ZFAND6: variants seen among roughly 807,000 people sequenced by gnomAD.
The protein encoded by ZFAND6 is zinc finger AN1-type containing 6.
Under a neutral mutation model 24.5 loss-of-function variants are expected in ZFAND6, and 12 were observed. The observed-to-expected ratio is 0.49, with a 90% CI of 0.31 to 0.79. ZFAND6 has a LOEUF of 0.79. Among genes scored for constraint, ZFAND6 ranks in the 30% least tolerant of loss-of-function variants. The pLI, the probability that ZFAND6 is intolerant of heterozygous loss-of-function variation, is 0.04. For synonymous variants in ZFAND6, 92 were observed against 81.5 expected, an observed-to-expected ratio of 1.13 and a Z score of -0.69; for missense variants, 207 against 245.9, an observed-to-expected ratio of 0.84 and a Z score of 1.06.
intron 1 of ZFAND6, among the ~76,000 whole-genome samples, chr15:80,083,406 T>C (rs989795232): frequency 6.6e-6 from 1 of 152,198 alleles, no homozygotes. Context: ...TAAGAACTTA[T>C]GATATGTTGG....
chr15:80,128,054 A>AAT (rs2040446326), intron 5 of ZFAND6, among the ~76,000 whole-genome samples: 1 of 152,252 alleles, frequency 6.6e-6, no homozygotes, highest in African/African-American at 2.4e-5. Context: ...GATCCTTGAA[A>AAT]ATATGCTGAA....
chr15:80,078,858 CTTCTT>C (rs1445564733), intron 1 of ZFAND6, among the ~76,000 whole-genome samples: 2 of 147,990 alleles, frequency 1.4e-5, no homozygotes, highest in African/African-American at 5.0e-5. Flanking sequence ...GTATTTATGT[CTTCTT>C]TTTTTTTTCA....
intron 2 of ZFAND6, among the ~76,000 whole-genome samples, chr15:80,105,742 A>G (rs916768715): frequency 1.3e-5 from 2 of 152,198 alleles, no homozygotes; most frequent in South Asian, 2.1e-4. Flanking sequence ...TTGTCCCTGT[A>G]TATATAACAG....
chr15:80,085,284 T>C (rs78955168), intron 1 of ZFAND6, among the ~76,000 whole-genome samples: 5 of 152,234 alleles, frequency 3.3e-5, no homozygotes, highest in African/African-American at 1.2e-4. Context: ...CAAGTGACTT[T>C]CCACTACTGT....
intron 5 of ZFAND6, among the ~76,000 whole-genome samples, chr15:80,128,328 C>T (rs2040458305): frequency 6.6e-6 from 1 of 152,122 alleles, no homozygotes; most frequent in Admixed American, 6.5e-5. Flanking sequence ...TATGTGAAAT[C>T]TCCCCACCAC....
intron 1 of ZFAND6, among the ~76,000 whole-genome samples, chr15:80,096,533 A>G (rs2038732380): frequency 6.6e-6 from 1 of 152,252 alleles, no homozygotes. Flanking sequence ...GTTACTTTGA[A>G]TAAACCCTAA....
chr15:80,060,591 CTAAAGA>C (rs1482772414), intron 1 of ZFAND6: 1 of 152,024 alleles, frequency 6.6e-6, no homozygotes, highest in Admixed American at 6.6e-5. Flanking sequence ...TTGGGGTTAC[CTAAAGA>C]TAATTTATAT....
intron 2 of ZFAND6, among the ~76,000 whole-genome samples, chr15:80,099,188 C>A (rs939910716): frequency 2.6e-5 from 4 of 152,006 alleles, no homozygotes; most frequent in African/African-American, 9.7e-5. Flanking sequence ...GAAAAAAAAT[C>A]TCCTTTTCTT....
At chr15:80,071,600 G>A (rs1379332592) in intron 1 of ZFAND6, among the ~76,000 whole-genome samples, 1 of 151,940 alleles carries the variant, frequency 6.6e-6, no homozygotes, top group Non-Finnish European at 1.5e-5. Context: ...AAAAATCAGA[G>A]TTCCTGTGTA....
At chr15:80,129,341 C>T (rs2040499749) in intron 5 of ZFAND6, among the ~76,000 whole-genome samples, 2 of 152,198 alleles carry the variant, frequency 1.3e-5, no homozygotes, top group South Asian at 4.1e-4. Flanking sequence ...TAGAGTTTGT[C>T]ATTAGCACAT....
chr15:80,131,697 A>G (rs1463776135), intron 6 of ZFAND6, among the ~76,000 whole-genome samples: 1 of 152,246 alleles, frequency 6.6e-6, no homozygotes, highest in Non-Finnish European at 1.5e-5. Context: ...GTAAGCAGTT[A>G]GCCCAGTGCT....
intron 1 of ZFAND6, among the ~76,000 whole-genome samples, chr15:80,064,720 G>C (rs1402736528): frequency 6.6e-6 from 1 of 152,024 alleles, no homozygotes; most frequent in Non-Finnish European, 1.5e-5. Flanking sequence ...GGTTCACTGA[G>C]GCCTCTACTT....
chr15:80,137,161 C>T (rs114894800), intron 6 of ZFAND6, among the ~76,000 whole-genome samples: 2 of 152,356 alleles, frequency 1.3e-5, no homozygotes, highest in African/African-American at 2.4e-5. Flanking sequence ...ATTCTCACAT[C>T]GTAGTGTTTG....
intron 5 of ZFAND6, among the ~76,000 whole-genome samples, chr15:80,127,606 A>G (rs868722419): frequency 6.7e-6 from 1 of 149,284 alleles, no homozygotes; most frequent in East Asian, 2.3e-4. Flanking sequence ...AAAAAAAAAA[A>G]AAAAAAAAAC....
chr15:80,077,697 C>CT (rs11441423), intron 1 of ZFAND6, among the ~76,000 whole-genome samples: 16,371 of 115,230 alleles, frequency 0.14, 2,092 homozygotes, highest in African/African-American at 0.28. Context: ...AGTTTTCTTT[C>CT]TTTTTTTTTT....
chr15:80,060,490 A>G (rs1358283186), intron 1 of ZFAND6: 1 of 152,214 alleles, frequency 6.6e-6, no homozygotes, highest in Non-Finnish European at 1.5e-5. Context: ...CTTGGTTTTT[A>G]AGTCACGTGC....
chr15:80,061,280 G>A (rs543005788), intron 1 of ZFAND6, among the ~76,000 whole-genome samples: 107 of 152,250 alleles, frequency 7.0e-4, no homozygotes, highest in African/African-American at 2.5e-3. Context: ...CTTTTTGGGT[G>A]TATGCATATG....
At chr15:80,088,606 C>T (rs776016619) in intron 1 of ZFAND6, among the ~76,000 whole-genome samples, 1 of 152,188 alleles carries the variant, frequency 6.6e-6, no homozygotes, top group Non-Finnish European at 1.5e-5. Context: ...TTTCCTTATG[C>T]TTTATTGTTA....
chr15:80,105,742 A>C (rs916768715), intron 2 of ZFAND6, among the ~76,000 whole-genome samples: 1 of 152,198 alleles, frequency 6.6e-6, no homozygotes, highest in East Asian at 1.9e-4. Flanking sequence ...TTGTCCCTGT[A>C]TATATAACAG....
Sources: gnomAD v4.1 joint callset for allele counts (sites outside exome capture counted in the v4.1 genomes callset) on GRCh38, gnomAD v4.1.1 for gene constraint, MANE v1.5 for transcripts, NCBI Gene and HGNC (gene_info 2026-07-23, HGNC 2026-07-21) for gene names.